Variants in ANO4 observed in about 807,000 individuals in gnomAD.
The protein encoded by ANO4 is anoctamin-4.
A neutral mutation model predicts 141.9 loss-of-function variants in ANO4; 69 were observed. The ratio of observed to expected loss-of-function variants is 0.49; its 90% CI spans 0.40 to 0.59. The LOEUF (loss-of-function observed/expected upper bound fraction) is 0.59. ANO4 is among the 20% of genes least tolerant of loss of function. The pLI, the probability that ANO4 is intolerant of heterozygous loss-of-function variation, is 0.00. For synonymous variants in ANO4, 350 were observed against 394.3 expected (o/e 0.89, Z 1.33); for missense variants, 894 against 1,162.2 (o/e 0.77, Z 3.36).
At chr12:101,029,030 CA>C (rs1593060603) in intron 9 of ANO4, among the ~76,000 whole-genome samples, 1 of 152,200 alleles carries the variant, frequency 6.6e-6, no homozygotes, top group Non-Finnish European at 1.5e-5. Context: ...CAGTATTCAA[CA>C]TTCTTAAAGA....
At chr12:100,762,856 C>T (rs60255167) in intron 3 of ANO4, among the ~76,000 whole-genome samples, 8,552 of 152,108 alleles carry the variant, frequency 0.056, 719 homozygotes, top group African/African-American at 0.18. Context: ...CTGTTTAGTT[C>T]GCTGCTGAGT....
At chr12:100,960,387 C>T (rs1309033291) in intron 5 of ANO4, among the ~76,000 whole-genome samples, 1 of 151,946 alleles carries the variant, frequency 6.6e-6, no homozygotes, top group Non-Finnish European at 1.5e-5. Flanking sequence ...ATAAGAGCCC[C>T]ATTTATTGAC....
intron 9 of ANO4, among the ~76,000 whole-genome samples, chr12:101,022,041 C>CAA (rs34942464): frequency 0.061 from 4,630 of 75,894 alleles, 239 homozygotes; most frequent in African/African-American, 0.13. Context: ...ATGACTCTGC[C>CAA]AAAAAAAAAA....
intron 1 of ANO4, among the ~76,000 whole-genome samples, chr12:100,718,817 A>G (rs1016633238): frequency 6.6e-6 from 1 of 152,226 alleles, no homozygotes; most frequent in Non-Finnish European, 1.5e-5. Context: ...TTCCTGGGTT[A>G]CCATCTGGGG....
chr12:101,023,932 C>G (rs1042451346), intron 9 of ANO4, among the ~76,000 whole-genome samples: 2 of 152,134 alleles, frequency 1.3e-5, no homozygotes, highest in African/African-American at 4.8e-5. Flanking sequence ...GCCTGAAACT[C>G]TTTCTGAAAG....
In ANO4 at chr12:101,068,743, G is replaced by A. The variant is rs558027752; in HGVS notation, c.1313-10450G>A. ...GACCAGATCTCATAAAAATGTTGCCGATGACTATATTCACACTGCAGCCTG... is the reference window on the plus strand; with the variant it reads ...GACCAGATCTCATAAAAATGTTGCCAATGACTATATTCACACTGCAGCCTG... On this transcript the variant is annotated intron_variant, in intron 14 of 27. Coordinates refer to ENST00000392977, the MANE Select transcript of ANO4 (RefSeq NM_001286615.2). 2.3e-4 allele frequency: 299 copies of A among 1,301,296 alleles called. 3 individuals are homozygous for A. Among genetic ancestry groups the A allele is most frequent in the Middle Eastern group, 6.6e-4 (3 of 4,536 alleles). 80.6% of individuals were successfully genotyped at this position (1,301,296 alleles called of 1,614,324 possible). A position where few individuals can be genotyped will look rare whatever the true frequency, so the allele number is the denominator to read the frequency against.
At chr12:101,047,082 T>C (rs572597115) in intron 13 of ANO4, among the ~76,000 whole-genome samples, 62 of 152,238 alleles carry the variant, frequency 4.1e-4, no homozygotes, top group African/African-American at 1.4e-3. Flanking sequence ...AAACCCCATC[T>C]CTACAAAAAT....
intron 8 of ANO4, among the ~76,000 whole-genome samples, chr12:100,995,214 C>T (rs1294557426): frequency 6.6e-6 from 1 of 151,994 alleles, no homozygotes; most frequent in African/African-American, 2.4e-5. Context: ...GGCAGGCCTC[C>T]TACAGAAGGT....
At chr12:100,853,972 CA>C (rs2038027562) in intron 1 of ANO4, among the ~76,000 whole-genome samples, 1 of 152,132 alleles carries the variant, frequency 6.6e-6, no homozygotes, top group Admixed American at 6.6e-5. Context: ...ACCAACATGA[CA>C]ACCAGTTTAT....
intron 21 of ANO4, among the ~76,000 whole-genome samples, chr12:101,099,103 G>C (rs1184867699): frequency 6.6e-6 from 1 of 152,160 alleles, no homozygotes; most frequent in African/African-American, 2.4e-5. Context: ...TCCAGTTGTA[G>C]AACTGCAGGT....
At position 100,932,333 on chromosome 12, in the gene ANO4, T is replaced by C. The variant is rs57617633; in HGVS notation, c.161-6982T>C. On this transcript the variant is annotated intron_variant, in intron 3 of 27. Transcript: ENST00000392977. Reference sequence around the variant, plus strand: ...TTTTTGATTGTATTTCTTACTGTCTTCTAGGCTATTTCTAAAATACACTTG... The same window carrying C: ...TTTTTGATTGTATTTCTTACTGTCTCCTAGGCTATTTCTAAAATACACTTG... Among the ~76,000 whole-genome samples, 494 of 152,136 alleles carry C rather than the reference T, an allele frequency of 3.2e-3. 6 individuals carry two copies. The highest frequency in any genetic ancestry group is 0.012 in the African/African-American group (482 of 41,540).
intron 1 of ANO4, among the ~76,000 whole-genome samples, chr12:100,896,247 C>T (rs2040346917): frequency 6.6e-6 from 1 of 152,082 alleles, no homozygotes; most frequent in African/African-American, 2.4e-5. Context: ...AGATTATCCT[C>T]CATTATCCAG....
chr12:101,039,657 C>T (rs2047339934), intron 10 of ANO4, among the ~76,000 whole-genome samples: 1 of 152,210 alleles, frequency 6.6e-6, no homozygotes, highest in Admixed American at 6.5e-5. Flanking sequence ...GAAACCAAAG[C>T]TCAGAGCATT....
chr12:100,742,674 A>G (rs1470584949), intron 3 of ANO4, among the ~76,000 whole-genome samples: 1 of 152,218 alleles, frequency 6.6e-6, no homozygotes, highest in Non-Finnish European at 1.5e-5. Flanking sequence ...ACATTATAAA[A>G]TCATTTTTCC....
rs1428977526 is a variant in ANO4 at position 101,111,642 on chromosome 12, C to T, written c.2382C>T (p.Asp794=). Residue 794 remains aspartate (D), a synonymous_variant, in exon 24 of 28, where the codon GAC becomes GAT. Coordinates refer to ENST00000392977, the MANE Select transcript of ANO4 (RefSeq NM_001286615.2). ...CATTTGTCATAGCGATAACATCTGA[C>T]TTTATCCCTCGCTTGGTGTATGCTT... ...TNAFVIAITS[D]FIPRLVYAYK... 3 of 1,613,166 alleles carry T rather than the reference C, an allele frequency of 1.9e-6. No individual in the cohort carries two copies. The highest frequency in any genetic ancestry group is 2.5e-6 in the Non-Finnish European group (3 of 1,179,628).
At chr12:100,905,891 G>A (rs1565994168) in intron 2 of ANO4, among the ~76,000 whole-genome samples, 2 of 152,114 alleles carry the variant, frequency 1.3e-5, no homozygotes, top group Admixed American at 6.6e-5. Flanking sequence ...TGTATATAAT[G>A]GCAGGTGTGC....
chr12:100,835,835 G>A (rs1025098494), intron 1 of ANO4, among the ~76,000 whole-genome samples: 9 of 152,030 alleles, frequency 5.9e-5, no homozygotes, highest in African/African-American at 2.2e-4. Flanking sequence ...ATACTGAGTG[G>A]CTTCTTCCAT....
chr12:100,778,381 C>T (rs1482685156), intron 3 of ANO4, among the ~76,000 whole-genome samples: 2 of 152,108 alleles, frequency 1.3e-5, no homozygotes, highest in African/African-American at 2.4e-5. Context: ...GTAAGGTAGA[C>T]AAGTATAATT....
intron 8 of ANO4, among the ~76,000 whole-genome samples, chr12:100,997,410 T>C (rs575330801): frequency 6.7e-6 from 1 of 149,038 alleles, no homozygotes; most frequent in South Asian, 2.1e-4. Flanking sequence ...GGAGCCTAAA[T>C]ACAATTTTTC....
Sources: gnomAD v4.1 joint callset for allele counts (sites outside exome capture counted in the v4.1 genomes callset) on GRCh38, gnomAD v4.1.1 for gene constraint, MANE v1.5 for transcripts, NCBI Gene and HGNC (gene_info 2026-07-23, HGNC 2026-07-21) for gene names.